The following DENND1A variants were observed in gnomAD, a reference collection of about 807,000 sequenced individuals.
The protein encoded by DENND1A is DENN domain-containing protein 1A.
DENND1A carries 51 observed loss-of-function variants against 113.7 expected under a neutral mutation model. The ratio of observed to expected loss-of-function variants is 0.45; its 90% confidence interval spans 0.36 to 0.57. The LOEUF (loss-of-function observed/expected upper bound fraction) is 0.57. Ranked by LOEUF, DENND1A falls within the 20% of genes least tolerant of loss-of-function variation. The probability of loss-of-function intolerance (pLI) is 0.00; values close to 1 mark genes in which losing one functional copy is unlikely to be tolerated. For synonymous variants in DENND1A, 565 were observed against 570.8 expected, an observed-to-expected ratio of 0.99 and a Z score of 0.14; for missense variants, 1,258 against 1,395.9, an observed-to-expected ratio of 0.90 and a Z score of 1.57.
At chr9:123,785,727 C>T (rs572526031) in intron 3 of DENND1A, among the ~76,000 whole-genome samples, 1 of 151,092 alleles carries the variant, frequency 6.6e-6, no homozygotes, top group Admixed American at 6.6e-5. Flanking sequence ...TTCAGCAGAG[C>T]ACCCTGTGGC....
At chr9:123,867,802 C>T (rs140704814) in intron 2 of DENND1A, among the ~76,000 whole-genome samples, 67 of 152,216 alleles carry the variant, frequency 4.4e-4, no homozygotes, top group Non-Finnish European at 8.7e-4. Flanking sequence ...TGAATGGGTA[C>T]GTGATCCAAA....
intron 5 of DENND1A, among the ~76,000 whole-genome samples, chr9:123,744,371 T>C (rs2069290319): frequency 6.6e-6 from 1 of 152,214 alleles, no homozygotes; most frequent in African/African-American, 2.4e-5. Context: ...TCTAATTAAA[T>C]TTAACTATCC....
chr9:123,760,952 G>T (rs1458788808), intron 4 of DENND1A, among the ~76,000 whole-genome samples: 1 of 152,104 alleles, frequency 6.6e-6, no homozygotes, highest in Non-Finnish European at 1.5e-5. Flanking sequence ...TTTAACTCAG[G>T]TTTTGATTTC....
chr9:123,441,462 A>C (rs2046926202), intron 18 of DENND1A, among the ~76,000 whole-genome samples: 1 of 152,226 alleles, frequency 6.6e-6, no homozygotes, highest in Non-Finnish European at 1.5e-5. Context: ...GGGACCAAAG[A>C]AATCTTTTTA....
chr9:123,698,947 CA>C (rs1184514928), intron 5 of DENND1A, among the ~76,000 whole-genome samples: 1 of 152,074 alleles, frequency 6.6e-6, no homozygotes. Context: ...TTTACGGTGG[CA>C]AAAAACTATA....
chr9:123,707,402 GAAA>G (rs111625198), intron 5 of DENND1A, among the ~76,000 whole-genome samples: 1 of 136,724 alleles, frequency 7.3e-6, no homozygotes, highest in Non-Finnish European at 1.6e-5. Context: ...TCTCAAAAAG[GAAA>G]AAAAAAAAAA....
At chr9:123,543,519 A>G (rs1351020709) in intron 13 of DENND1A, among the ~76,000 whole-genome samples, 1 of 152,202 alleles carries the variant, frequency 6.6e-6, no homozygotes, top group Non-Finnish European at 1.5e-5. Context: ...AATCCTGTAG[A>G]GGCCAACACA....
intron 1 of DENND1A, among the ~76,000 whole-genome samples, chr9:123,897,748 G>A (rs547998253): frequency 1.3e-5 from 2 of 152,158 alleles, no homozygotes; most frequent in Non-Finnish European, 2.9e-5. Flanking sequence ...AGAGAGGATC[G>A]CTTGAGGCCA....
chr9:123,563,510 A>C (rs1290960427), intron 12 of DENND1A, among the ~76,000 whole-genome samples: 2 of 152,226 alleles, frequency 1.3e-5, no homozygotes, highest in African/African-American at 4.8e-5. Flanking sequence ...ACATGTATAC[A>C]TTGTGAGGAG....
chr9:123,440,806 C>T (rs1342890300), intron 18 of DENND1A, among the ~76,000 whole-genome samples: 3 of 152,158 alleles, frequency 2.0e-5, no homozygotes, highest in Admixed American at 1.3e-4. Flanking sequence ...CACATGCAGA[C>T]GTTTAAAAAT....
At chr9:123,677,482 G>A (rs369862640) in intron 5 of DENND1A, among the ~76,000 whole-genome samples, 28 of 152,236 alleles carry the variant, frequency 1.8e-4, no homozygotes, top group Middle Eastern at 3.4e-3. Context: ...CACCCAGGCC[G>A]GAGTGCAGTG....
At chr9:123,387,638 A>T in intron 22 of DENND1A, 92 bp downstream of exon 22, 2 of 945,424 alleles carry the variant, frequency 2.1e-6, no homozygotes, top group Non-Finnish European at 2.9e-6. Flanking sequence ...CCCCCGACAC[A>T]AAGGCAAGCA....
intron 12 of DENND1A, among the ~76,000 whole-genome samples, chr9:123,572,639 G>A (rs2058422188): frequency 6.6e-6 from 1 of 152,004 alleles, no homozygotes; most frequent in Non-Finnish European, 1.5e-5. Context: ...CATTTTAATT[G>A]AGCTATCTTC....
chr9:123,486,659 T>C (rs371259078), intron 13 of DENND1A, among the ~76,000 whole-genome samples: 9 of 152,304 alleles, frequency 5.9e-5, no homozygotes, highest in African/African-American at 2.2e-4. Context: ...TGGCATCATC[T>C]TCCTTGTCCT....
chr9:123,886,728 T>C (rs1481744467), intron 1 of DENND1A, among the ~76,000 whole-genome samples: 2 of 151,996 alleles, frequency 1.3e-5, no homozygotes, highest in Non-Finnish European at 2.9e-5. Flanking sequence ...GCTGAAAACA[T>C]TGTATCAAAG....
chr9:123,507,664 C>T (rs2053075790), intron 13 of DENND1A, among the ~76,000 whole-genome samples: 1 of 149,284 alleles, frequency 6.7e-6, no homozygotes, highest in Non-Finnish European at 1.5e-5. Flanking sequence ...GTCTGGGCAA[C>T]ATAGCGGGAC....
intron 3 of DENND1A, among the ~76,000 whole-genome samples, chr9:123,781,694 T>C (rs977267462): frequency 6.6e-6 from 1 of 152,226 alleles, no homozygotes; most frequent in Non-Finnish European, 1.5e-5. Flanking sequence ...ATGTAGTCTT[T>C]GCCCAAAGTG....
chr9:123,768,009 A>T (rs1445721254), intron 4 of DENND1A, among the ~76,000 whole-genome samples: 1 of 152,198 alleles, frequency 6.6e-6, no homozygotes, highest in East Asian at 1.9e-4. Context: ...TAATTCATAC[A>T]TATAAATGTG....
intron 16 of DENND1A, among the ~76,000 whole-genome samples, chr9:123,454,227 A>G (rs562380211): frequency 2.6e-5 from 4 of 152,292 alleles, no homozygotes; most frequent in East Asian, 1.9e-4. Context: ...GGACACCTCA[A>G]TTATAAACTG....
Sources: allele counts gnomAD v4.1 joint callset (sites outside exome capture counted in the v4.1 genomes callset), GRCh38; gene constraint gnomAD v4.1.1; transcripts MANE v1.5; gene names NCBI Gene and HGNC (gene_info 2026-07-23, HGNC 2026-07-21).